The following OR2C1 variants were observed in gnomAD, a reference collection of about 807,000 sequenced individuals.
The protein encoded by OR2C1 is olfactory receptor 2C1.
For synonymous variants in OR2C1, 209 were observed against 167.3 expected (o/e 1.25, Z -1.92); for missense variants, 468 against 388.3 (o/e 1.21, Z -1.73).
chr16:3,341,675 G>A, the OR2C1 span, among the ~76,000 whole-genome samples: 8 of 152,328 alleles, frequency 5.3e-5, no homozygotes, highest in African/African-American at 1.9e-4. Context: ...AGATTAAGAG[G>A]TATATAGGGT....
chr16:3,328,738 A>C, the OR2C1 span, among the ~76,000 whole-genome samples: 1 of 152,188 alleles, frequency 6.6e-6, no homozygotes, highest in Non-Finnish European at 1.5e-5. Context: ...ACGTTAACTG[A>C]AGGCAGGGTC....
chr16:3,339,468 T>C, the OR2C1 span, among the ~76,000 whole-genome samples: 1 of 152,136 alleles, frequency 6.6e-6, no homozygotes, highest in Non-Finnish European at 1.5e-5. Flanking sequence ...TTTTACTTTT[T>C]GTTTTTGAGA....
chr16:3,332,680 T>C, the OR2C1 span, among the ~76,000 whole-genome samples: 1 of 151,346 alleles, frequency 6.6e-6, no homozygotes, highest in Non-Finnish European at 1.5e-5. Context: ...AATGACAAGA[T>C]TTGTGTTCTT....
At chr16:3,336,675 T>C in the OR2C1 span, among the ~76,000 whole-genome samples, 6 of 9,476 alleles carry the variant, frequency 6.3e-4, no homozygotes, top group Non-Finnish European at 1.4e-3. Context: ...TTTCTTTTTC[T>C]TTTTTTTTTT....
the OR2C1 span, among the ~76,000 whole-genome samples, chr16:3,326,524 T>G: frequency 6.6e-6 from 1 of 152,114 alleles, no homozygotes; most frequent in African/African-American, 2.4e-5. Context: ...ACTTGGGGAG[T>G]GTAGCAGACA....
At chr16:3,324,485 A>G in the OR2C1 span, among the ~76,000 whole-genome samples, 1 of 152,240 alleles carries the variant, frequency 6.6e-6, no homozygotes. Flanking sequence ...TGAAGAAAGC[A>G]CATTATGATG....
the OR2C1 span, among the ~76,000 whole-genome samples, chr16:3,346,597 A>C: frequency 1.3e-5 from 2 of 150,978 alleles, no homozygotes; most frequent in South Asian, 2.1e-4. Context: ...TGTCACTTAA[A>C]ATATTTTAAT....
Position 3,355,970 on chromosome 16 carries a change from G to A in OR2C1, c.30G>A (p.Gln10=). MDGVNDSSL[Q]GFVLMGISDH... is the part of the protein sequence containing the mutation. ...ACGGGGTGAATGATAGCTCCTTGCA[G>A]GGCTTTGTTCTGATGGGCATATCAG... Residue 10 remains glutamine (Q), a synonymous_variant, in exon 1 of 1, where the codon CAG becomes CAA. Transcript: ENST00000304936. 2 of 1,612,964 alleles carry A rather than the reference G, an allele frequency of 1.2e-6. No homozygotes were observed. Among genetic ancestry groups the A allele is most frequent in the Non-Finnish European group, 1.7e-6 (2 of 1,179,294 alleles).
chr16:3,356,813 G>C lies in OR2C1; in HGVS notation c.873G>C (p.Thr291=), dbSNP rs764743341. The C allele has an allele frequency of 4.3e-6, 7 of 1,613,650 alleles. No homozygotes were observed. In the East Asian group the frequency reaches 1.6e-4, roughly 36 times the overall value. ...VTPMVNPLIY[T]LRNMEVKGAL... ...CCATGGTGAATCCCCTCATCTACAC[G>C]CTGCGGAACATGGAAGTGAAGGGCG... Residue 291 remains threonine, a synonymous_variant, in exon 1 of 1, where the codon ACG becomes ACC. Transcript: ENST00000304936.
chr16:3,348,583 T>A, the OR2C1 span, among the ~76,000 whole-genome samples: 1 of 152,144 alleles, frequency 6.6e-6, no homozygotes, highest in African/African-American at 2.4e-5. Flanking sequence ...AGTTCTATGA[T>A]CAGGAGAGAC....
chr16:3,355,586 AC>A (rs757903678), upstream of OR2C1, among the ~76,000 whole-genome samples: 18 of 152,000 alleles, frequency 1.2e-4, no homozygotes, highest in Non-Finnish European at 2.2e-4. Flanking sequence ...GTTGGAGACA[AC>A]CCTGGGCAAC....
chr16:3,345,566 T>C, the OR2C1 span, among the ~76,000 whole-genome samples: 4 of 151,984 alleles, frequency 2.6e-5, no homozygotes, highest in African/African-American at 4.8e-5. Context: ...ATGGTATATA[T>C]ACACACACAC....
upstream of OR2C1, among the ~76,000 whole-genome samples, chr16:3,351,927 C>T (rs1331403225): frequency 7.3e-6 from 1 of 137,530 alleles, no homozygotes; most frequent in African/African-American, 2.7e-5. Context: ...AGATCCTGGG[C>T]TTATTAGAAC....
At chr16:3,340,982 C>CA in the OR2C1 span, among the ~76,000 whole-genome samples, 43 of 141,718 alleles carry the variant, frequency 3.0e-4, 1 homozygote, top group South Asian at 9.0e-4. Flanking sequence ...TTCCTTCCTG[C>CA]AAAAAAAAAA....
the OR2C1 span, among the ~76,000 whole-genome samples, chr16:3,342,676 G>C: frequency 6.6e-6 from 1 of 152,122 alleles, no homozygotes; most frequent in African/African-American, 2.4e-5. Context: ...TCGGGAGTTC[G>C]AGATCAGCCT....
chr16:3,324,150 G>A, the OR2C1 span, among the ~76,000 whole-genome samples: 1 of 152,078 alleles, frequency 6.6e-6, no homozygotes, highest in Non-Finnish European at 1.5e-5. Context: ...TAGTAGCATA[G>A]GGAACAACAG....
Position 3,356,358 on chromosome 16 carries a change from C to T in OR2C1, c.418C>T (p.Leu140Phe), listed in dbSNP as rs62000972. The T allele has an allele frequency of 6.2e-7, 1 of 1,613,532 alleles. No homozygotes were observed. The highest frequency in any genetic ancestry group is 1.3e-5 in the African/African-American group (1 of 74,946). The stretch of plus-strand genomic sequence containing the variant: ...CTACACCGCCATCATGAACCCCCAG[C>T]TCTGCTGGCTGCTGGCTGTGATTGC... ...LRYTAIMNPQ[L>F]CWLLAVIACL... Residue 140 changes from leucine to phenylalanine, a missense_variant, in exon 1 of 1, where the codon CTC (leucine) becomes TTC (phenylalanine). By Grantham distance (22) the Leu-to-Phe change is conservative. Coordinates refer to ENST00000304936, the MANE Select transcript of OR2C1 (RefSeq NM_012368.3).
At chr16:3,347,756 G>A in the OR2C1 span, among the ~76,000 whole-genome samples, 331 of 151,802 alleles carry the variant, frequency 2.2e-3, no homozygotes, top group Middle Eastern at 0.01. Flanking sequence ...ACACACACAC[G>A]CACACATATG....
chr16:3,340,576 G>T, the OR2C1 span, among the ~76,000 whole-genome samples: 1 of 152,078 alleles, frequency 6.6e-6, no homozygotes, highest in South Asian at 2.1e-4. Flanking sequence ...CACAGTTTTG[G>T]CTCTGTTTTT....
Sources: allele counts gnomAD v4.1 joint callset (sites outside exome capture counted in the v4.1 genomes callset), GRCh38; gene constraint gnomAD v4.1.1; transcripts MANE v1.5; gene names NCBI Gene and HGNC (gene_info 2026-07-23, HGNC 2026-07-21).